RNF150: variants seen among roughly 807,000 people sequenced by gnomAD.
RNF150 encodes the protein ring finger protein 150.
RNF150 carries 24 observed loss-of-function variants against 39.3 expected under a neutral mutation model. The ratio of observed to expected loss-of-function variants is 0.61; its 90% CI spans 0.44 to 0.86. RNF150 has a LOEUF of 0.86. Among genes scored for constraint, RNF150 ranks in the 40% least tolerant of loss-of-function variants. The pLI is 0.00. For missense variants in RNF150, 502 were observed against 587.8 expected (o/e 0.85, Z 1.51); for synonymous variants, 255 against 227.3 (o/e 1.12, Z -1.10).
chr4:140,896,710 AAACAAAC>A (rs1417982993), intron 6 of RNF150, among the ~76,000 whole-genome samples: 1 of 53,010 alleles, frequency 1.9e-5, no homozygotes, highest in African/African-American at 5.7e-5. Context: ...ACAAAAAAAC[AAACAAAC>A]AAACAAAAAA....
intron 1 of RNF150, among the ~76,000 whole-genome samples, chr4:141,184,538 T>C (rs1727967845): frequency 1.3e-5 from 2 of 152,218 alleles, no homozygotes; most frequent in Admixed American, 1.3e-4. Flanking sequence ...TGGCTTTTTT[T>C]GCAATTGCTT....
At chr4:141,104,498 C>T (rs1209025806) in intron 1 of RNF150, among the ~76,000 whole-genome samples, 3 of 152,156 alleles carry the variant, frequency 2.0e-5, no homozygotes, top group Non-Finnish European at 1.5e-5. Flanking sequence ...CTGCAAGGTA[C>T]CAGTGACTAG....
chr4:141,167,953 T>C (rs1381534394), intron 1 of RNF150, among the ~76,000 whole-genome samples: 3 of 152,120 alleles, frequency 2.0e-5, no homozygotes, highest in African/African-American at 4.8e-5. Flanking sequence ...GGGATCTAAT[T>C]AGACTAAAGA....
At chr4:141,040,542 T>C (rs1180058532) in intron 1 of RNF150, among the ~76,000 whole-genome samples, 2 of 152,186 alleles carry the variant, frequency 1.3e-5, no homozygotes, top group Non-Finnish European at 1.5e-5. Context: ...TGCAAATATC[T>C]GCCTGTAAGT....
At chr4:140,971,264 G>C (rs1245199554) in intron 1 of RNF150, among the ~76,000 whole-genome samples, 3 of 151,916 alleles carry the variant, frequency 2.0e-5, no homozygotes, top group Non-Finnish European at 4.4e-5. Flanking sequence ...GTGTGAGGCA[G>C]GGAAGGAGAA....
chr4:141,199,948 T>G (rs12644520), intron 1 of RNF150, among the ~76,000 whole-genome samples: 1 of 151,946 alleles, frequency 6.6e-6, no homozygotes, highest in Non-Finnish European at 1.5e-5. Flanking sequence ...AGTATGGACT[T>G]TTTAGTTATA....
chr4:141,067,329 A>C (rs1249746576), intron 1 of RNF150, among the ~76,000 whole-genome samples: 1 of 152,246 alleles, frequency 6.6e-6, no homozygotes, highest in East Asian at 1.9e-4. Context: ...TCAGAGAGAA[A>C]GCAGAGAAAG....
chr4:141,101,212 CTT>C (rs1381394914), intron 1 of RNF150, among the ~76,000 whole-genome samples: 2 of 152,102 alleles, frequency 1.3e-5, no homozygotes, highest in African/African-American at 4.8e-5. Flanking sequence ...TTTTTTGACT[CTT>C]TTGTAATAAT....
chr4:141,131,460 G>A (rs1311903799), intron 1 of RNF150, among the ~76,000 whole-genome samples: 2 of 152,196 alleles, frequency 1.3e-5, no homozygotes, highest in East Asian at 3.9e-4. Flanking sequence ...GCCTGGGGAT[G>A]GCTTTTTTGG....
chr4:141,085,150 A>T (rs542851109), intron 1 of RNF150, among the ~76,000 whole-genome samples: 4 of 152,340 alleles, frequency 2.6e-5, no homozygotes, highest in African/African-American at 7.2e-5. Context: ...TGGAAGGTGA[A>T]GGAGGAGCAA....
chr4:141,128,105 G>A (rs1726798624), intron 1 of RNF150, among the ~76,000 whole-genome samples: 1 of 152,174 alleles, frequency 6.6e-6, no homozygotes, highest in African/African-American at 2.4e-5. Flanking sequence ...TAAATAAGGA[G>A]TTCTTTCCCA....
Position 141,068,442 on chromosome 4 carries a change from T to G in RNF150, c.484+63883A>C, listed in dbSNP as rs143327865. 3.4e-3 allele frequency among the ~76,000 whole-genome samples: 511 copies of G among 152,328 alleles called. 7 individuals carry two copies. The highest frequency in any genetic ancestry group is 0.029 in the East Asian group (152 of 5,188). ...TATCTCTGTTTTGGTACCAGTACCA[T>G]GCTGTTTTGGTTACTGTAGCCTTGT... On this transcript the variant is annotated intron_variant, in intron 1 of 6. Transcript: ENST00000515673.
At chr4:140,959,463 A>G (rs1029689126) in intron 2 of RNF150, among the ~76,000 whole-genome samples, 6 of 152,118 alleles carry the variant, frequency 3.9e-5, no homozygotes, top group African/African-American at 1.4e-4. Flanking sequence ...TTGAATGGGA[A>G]TGAATCCATT....
chr4:141,165,049 A>T (rs1485049274), intron 1 of RNF150, among the ~76,000 whole-genome samples: 1 of 152,192 alleles, frequency 6.6e-6, no homozygotes, highest in Non-Finnish European at 1.5e-5. Context: ...TATTCAGGAG[A>T]CCCGTCTCAC....
chr4:140,940,367 G>A (rs969115881), intron 4 of RNF150, among the ~76,000 whole-genome samples: 1 of 143,948 alleles, frequency 6.9e-6, no homozygotes. Context: ...ACTTATCACA[G>A]CCTTATTTAT....
chr4:140,877,393 C>T (rs1049354188), intron 6 of RNF150, among the ~76,000 whole-genome samples: 1 of 152,002 alleles, frequency 6.6e-6, no homozygotes, highest in African/African-American at 2.4e-5. Context: ...AGATGAAAGA[C>T]TTTTGATGAA....
intron 4 of RNF150, among the ~76,000 whole-genome samples, chr4:140,939,322 A>G: frequency 6.6e-6 from 1 of 152,194 alleles, no homozygotes; most frequent in East Asian, 1.9e-4. Context: ...TGGTCTTTGT[A>G]AAAGTATAGC....
chr4:141,088,900 C>T (rs1207509270), intron 1 of RNF150, among the ~76,000 whole-genome samples: 2 of 152,126 alleles, frequency 1.3e-5, no homozygotes, highest in African/African-American at 4.8e-5. Context: ...GAAAACTCTT[C>T]CAACAACATA....
intron 1 of RNF150, among the ~76,000 whole-genome samples, chr4:141,122,156 G>A (rs901633150): frequency 2.6e-5 from 4 of 152,178 alleles, no homozygotes; most frequent in African/African-American, 7.2e-5. Flanking sequence ...GCCAATTTGA[G>A]AGAGAGCCAC....
Sources: allele counts gnomAD v4.1 joint callset (sites outside exome capture counted in the v4.1 genomes callset), GRCh38; gene constraint gnomAD v4.1.1; transcripts MANE v1.5; gene names NCBI Gene and HGNC (gene_info 2026-07-23, HGNC 2026-07-21).